Variants in FRMD4B observed in about 807,000 individuals in gnomAD.
FRMD4B encodes the protein FERM domain-containing protein 4B.
In FRMD4B, 74 loss-of-function variants were observed where a neutral mutation model predicts 141.5. The observed-to-expected ratio is 0.52, with a 90% confidence interval of 0.43 to 0.63. FRMD4B has a LOEUF of 0.63. FRMD4B is among the 30% of genes least tolerant of loss of function. The probability of loss-of-function intolerance (pLI) is 0.00; values close to 1 mark genes in which losing one functional copy is unlikely to be tolerated. For synonymous variants in FRMD4B, 506 were observed against 467.9 expected (o/e 1.08, Z -1.05); for missense variants, 1,366 against 1,253.4 (o/e 1.09, Z -1.36).
rs556459669 is a variant in FRMD4B, at chr3:69,368,146, T to C, written c.162+17682A>G. Among the ~76,000 whole-genome samples the C allele has an allele frequency of 5.9e-5, 9 of 152,304 alleles. No individual in the cohort carries two copies. The South Asian group carries it at 6.2e-4, about 11-fold the overall frequency. On this transcript the variant is annotated intron_variant, in intron 1 of 22. Transcript: ENST00000398540. ...CTAGGCATCTGTTTAAGCAGTCACA[T>C]GGCACTCTCCCATTTAAACCCGACA...
intron 2 of FRMD4B, among the ~76,000 whole-genome samples, chr3:69,422,521 C>T (rs1020606729): frequency 3.3e-5 from 5 of 152,136 alleles, no homozygotes; most frequent in Non-Finnish European, 7.4e-5. Context: ...CAAGAGCCTC[C>T]ATTGTGACAA....
At chr3:69,266,538 C>A (rs1283231742) in intron 5 of FRMD4B, among the ~76,000 whole-genome samples, 1 of 152,062 alleles carries the variant, frequency 6.6e-6, no homozygotes, top group Non-Finnish European at 1.5e-5. Flanking sequence ...TTTGGCCAGG[C>A]TGGTCTCGAA....
intron 1 of FRMD4B, among the ~76,000 whole-genome samples, chr3:69,531,451 A>G (rs1701007463): frequency 6.6e-6 from 1 of 152,266 alleles, no homozygotes; most frequent in Non-Finnish European, 1.5e-5. Flanking sequence ...GTTTAAGCAA[A>G]GAATAATGTG....
Position 69,188,782 on chromosome 3 carries a change from A to C in FRMD4B, c.1772-865T>G, listed in dbSNP as rs1019697325. 3.1e-4 allele frequency among the ~76,000 whole-genome samples: 47 copies of C among 151,878 alleles called. No homozygotes were observed. The East Asian group carries it at 8.0e-3, about 26-fold the overall frequency. ...CCGTCTCAAAAAAAAAAAAAAAAAAAAACTTGGGGAAGATAAAGCAGTGGG... is the reference window on the plus strand; with the variant it reads ...CCGTCTCAAAAAAAAAAAAAAAAAACAACTTGGGGAAGATAAAGCAGTGGG... On this transcript the variant is annotated intron_variant, in intron 18 of 22. Transcript: ENST00000398540.
chr3:69,352,248 T>A (rs9861135), intron 1 of FRMD4B, among the ~76,000 whole-genome samples: 3 of 151,804 alleles, frequency 2.0e-5, no homozygotes, highest in Non-Finnish European at 4.4e-5. Flanking sequence ...CACCATAATG[T>A]CACTCTGAGA....
chr3:69,227,058 T>C (rs1347788146), intron 7 of FRMD4B, among the ~76,000 whole-genome samples: 1 of 152,218 alleles, frequency 6.6e-6, no homozygotes, highest in Non-Finnish European at 1.5e-5. Context: ...AAATACCACC[T>C]GTGTTGGATT....
chr3:69,211,375 T>C (rs2093078028), intron 11 of FRMD4B, among the ~76,000 whole-genome samples: 1 of 152,110 alleles, frequency 6.6e-6, no homozygotes, highest in Admixed American at 6.6e-5. Flanking sequence ...ATCACTGTAC[T>C]ACACTACACA....
At chr3:69,529,052 C>T (rs564166854) in intron 1 of FRMD4B, among the ~76,000 whole-genome samples, 1 of 152,180 alleles carries the variant, frequency 6.6e-6, no homozygotes, top group African/African-American at 2.4e-5. Flanking sequence ...GTGCTGGCAG[C>T]GGGAAGTGAA....
chr3:69,195,823 T>C (rs1575598726), intron 14 of FRMD4B, among the ~76,000 whole-genome samples: 1 of 152,206 alleles, frequency 6.6e-6, no homozygotes, highest in East Asian at 1.9e-4. Flanking sequence ...AAGTTACATA[T>C]ACTTAATGAT....
chr3:69,287,406 T>C (rs13075447), intron 5 of FRMD4B, among the ~76,000 whole-genome samples: 27,419 of 152,136 alleles, frequency 0.18, 2,928 homozygotes, highest in East Asian at 0.37. Flanking sequence ...GTGTAGGGCA[T>C]ACCTTATTTA....
At chr3:69,464,128 G>A (rs1471744938) in intron 1 of FRMD4B, among the ~76,000 whole-genome samples, 1 of 152,196 alleles carries the variant, frequency 6.6e-6, no homozygotes, top group Non-Finnish European at 1.5e-5. Context: ...TCAATTCTGA[G>A]GTTATAGCAG....
intron 1 of FRMD4B, among the ~76,000 whole-genome samples, chr3:69,456,175 T>C (rs906315662): frequency 2.6e-5 from 4 of 151,694 alleles, no homozygotes; most frequent in African/African-American, 9.8e-5. Flanking sequence ...CCTCTTCCTT[T>C]CTGCTTCACA....
chr3:69,258,897 T>C (rs969604739), intron 5 of FRMD4B, among the ~76,000 whole-genome samples: 1 of 152,192 alleles, frequency 6.6e-6, no homozygotes, highest in African/African-American at 2.4e-5. Flanking sequence ...ATGTTAACTT[T>C]ACCAAGTTGT....
intron 1 of FRMD4B, among the ~76,000 whole-genome samples, chr3:69,527,794 A>G (rs1381937352): frequency 6.6e-6 from 1 of 152,192 alleles, no homozygotes; most frequent in Non-Finnish European, 1.5e-5. Context: ...CCCAATTAGA[A>G]TACAAATTTG....
intron 5 of FRMD4B, among the ~76,000 whole-genome samples, chr3:69,269,842 ACTC>A (rs890331268): frequency 2.0e-5 from 3 of 151,536 alleles, no homozygotes; most frequent in African/African-American, 4.9e-5. Flanking sequence ...CTGGTCTTGA[ACTC>A]CTGACCTAAA....
intron 1 of FRMD4B, among the ~76,000 whole-genome samples, chr3:69,331,062 C>T (rs1702352329): frequency 2.0e-5 from 3 of 152,182 alleles, no homozygotes; most frequent in Admixed American, 2.0e-4. Context: ...AAATCTCAAC[C>T]AACACTTGAG....
chr3:69,273,603 T>C (rs564972548), intron 5 of FRMD4B, among the ~76,000 whole-genome samples: 2 of 152,342 alleles, frequency 1.3e-5, no homozygotes, highest in Non-Finnish European at 2.9e-5. Context: ...TTACTCAGAA[T>C]TGATTTTTAA....
At chr3:69,249,946 C>A (rs2093450380) in intron 6 of FRMD4B, 97 bp downstream of exon 6, 1 of 798,820 alleles carries the variant, frequency 1.3e-6, no homozygotes, top group Non-Finnish European at 2.2e-6. Flanking sequence ...AAAAATCCAA[C>A]AAACACTGGC....
chr3:69,276,888 C>T (rs1168582319), intron 5 of FRMD4B, among the ~76,000 whole-genome samples: 1 of 152,184 alleles, frequency 6.6e-6, no homozygotes, highest in African/African-American at 2.4e-5. Context: ...TCGCATGAAC[C>T]TGAGAGGCAG....
Sources: allele counts gnomAD v4.1 joint callset (sites outside exome capture counted in the v4.1 genomes callset), GRCh38; gene constraint gnomAD v4.1.1; transcripts MANE v1.5; gene names NCBI Gene and HGNC (gene_info 2026-07-23, HGNC 2026-07-21).